Variants in TNS1 observed in about 807,000 individuals in gnomAD.
TNS1 encodes tensin 1.
A neutral mutation model predicts 168.6 loss-of-function variants in TNS1; 62 were observed. The observed-to-expected ratio is 0.37, with a 90% CI of 0.30 to 0.45. The LOEUF is 0.45. Among genes scored for constraint, TNS1 ranks in the 20% least tolerant of loss-of-function variants. The pLI, the probability that TNS1 is intolerant of heterozygous loss-of-function variation, is 1.00. For synonymous variants in TNS1, 934 were observed against 933.2 expected (o/e 1.00, Z -0.02); for missense variants, 2,240 against 2,339.4 (o/e 0.96, Z 0.88).
rs546036615 is a variant in TNS1 at position 217,891,665 on chromosome 2, A to G, written c.783-620T>C. 4.6e-5 allele frequency among the ~76,000 whole-genome samples: 7 copies of G among 152,324 alleles called. No homozygotes were observed. The South Asian group carries it at 1.4e-3, about 32-fold the overall frequency. ...GATCACGAAGCTCCAGTGACTTCCC[A>G]TCACTCTTAGAGCAAACCCCAAAGT... On this transcript the variant is annotated intron_variant, in intron 11 of 32. Transcript: ENST00000682258.
intron 3 of TNS1, among the ~76,000 whole-genome samples, chr2:217,955,999 T>TC (rs1307680008): frequency 2.2e-4 from 33 of 151,968 alleles, no homozygotes; most frequent in Admixed American, 2.2e-3. Flanking sequence ...GGGAGGGGTG[T>TC]CCTTGGAACA....
intron 3 of TNS1, among the ~76,000 whole-genome samples, chr2:217,947,724 A>T (rs909149259): frequency 2.0e-5 from 3 of 152,184 alleles, no homozygotes; most frequent in African/African-American, 7.2e-5. Context: ...AAGATGGGGC[A>T]AGGTCCAAGC....
intron 3 of TNS1, among the ~76,000 whole-genome samples, chr2:217,929,901 C>T (rs1242920168): frequency 1.3e-5 from 2 of 152,214 alleles, no homozygotes; most frequent in Non-Finnish European, 2.9e-5. Context: ...TGCCCTCCGC[C>T]TTGTCCCCTC....
At chr2:217,845,859 T>G (rs375961925) in intron 19 of TNS1, among the ~76,000 whole-genome samples, 16 of 152,306 alleles carry the variant, frequency 1.1e-4, no homozygotes, top group African/African-American at 3.8e-4. Flanking sequence ...AAATGTATTC[T>G]GCTCCCCCAG....
rs893267990 is a variant in TNS1, at chr2:218,033,568, C to T, written c.156+252G>A. Among the ~76,000 whole-genome samples, 2 of 152,156 alleles carry T rather than the reference C, an allele frequency of 1.3e-5. No homozygotes were observed. The highest frequency in any genetic ancestry group is 1.3e-4 in the Admixed American group (2 of 15,276). On this transcript the variant is annotated intron_variant, in intron 1 of 1. Transcript: ENST00000649572. This position sits in a 1 kb window ranked among gnomAD's most constrained non-coding sequence, Gnocchi z 4.3. ...AACCTCACCCAACCTATTTGCCCTT[C>T]TAGGGGTCAGGTCCTATATCACCCT...
At position 217,962,850 on chromosome 2, in the gene TNS1, G is replaced by T. The variant is rs1575141500; in HGVS notation, c.186+15915C>A. Among the ~76,000 whole-genome samples the T allele has an allele frequency of 3.3e-5, 5 of 152,298 alleles. No homozygotes were observed. In the South Asian group the frequency reaches 1.0e-3, roughly 32 times the overall value. ...ACATGCAATGTGGGATCCTGGATTG[G>T]ATCCTAGATCAGAAAAAGGGCAGTG... On this transcript the variant is annotated intron_variant, in intron 3 of 32. Coordinates refer to ENST00000682258, the MANE Select transcript of TNS1 (RefSeq NM_001387777.1).
chr2:217,916,355 C>T (rs1955003532), intron 4 of TNS1, among the ~76,000 whole-genome samples: 1 of 151,980 alleles, frequency 6.6e-6, no homozygotes. Context: ...GTTCCAAGCC[C>T]CTGTGCTGGG....
chr2:217,929,445 C>T (rs1316917439), intron 3 of TNS1, among the ~76,000 whole-genome samples: 1 of 152,134 alleles, frequency 6.6e-6, no homozygotes, highest in Non-Finnish European at 1.5e-5. Context: ...GCCCAGGGAG[C>T]ACAAGACAGC....
rs975611848 is a variant in TNS1, at chr2:217,802,118, A to T, written c.*2341T>A. On this transcript the variant is annotated 3_prime_UTR_variant, in exon 33 of 33. Coordinates refer to ENST00000682258, the MANE Select transcript of TNS1 (RefSeq NM_001387777.1). ...ATAGGCTCCTGGGCTCTCCAGTGGG[A>T]GATGAGATATTTACAAAGGAAGGGG... The T allele has an allele frequency of 6.6e-6, 1 of 152,350 alleles. No individual in the cohort carries two copies. 9.4% of individuals were successfully genotyped at this position (152,350 alleles called of 1,614,324 possible).
At chr2:217,985,318 C>T (rs1244667252) in intron 2 of TNS1, 2 of 152,148 alleles carry the variant, frequency 1.3e-5, no homozygotes, top group Non-Finnish European at 2.9e-5. Flanking sequence ...ATATCAGGCT[C>T]TGTTTGGAGC....
chr2:217,849,725 CAGG>C (rs1208060867), intron 18 of TNS1: 8 of 985,428 alleles, frequency 8.1e-6, no homozygotes, highest in Non-Finnish European at 9.6e-6. Context: ...GGCAGAATGC[CAGG>C]AGAGTAGCCA....
chr2:217,979,528 G>GACACACACACACACAC (rs35499293), intron 2 of TNS1, among the ~76,000 whole-genome samples: 3 of 146,784 alleles, frequency 2.0e-5, no homozygotes, highest in South Asian at 2.2e-4. Flanking sequence ...GAAACACACA[G>GACACACACACACACAC]ACACACACAC....
upstream of TNS1, among the ~76,000 whole-genome samples, chr2:218,013,093 C>CA (rs139712924): frequency 0.012 from 1,669 of 137,624 alleles, 27 homozygotes; most frequent in African/African-American, 0.036. Context: ...AGTAAAAATA[C>CA]AAAAAAAAAA....
chr2:218,008,272 G>A (rs1051022564), intron 1 of TNS1, among the ~76,000 whole-genome samples: 1 of 152,208 alleles, frequency 6.6e-6, no homozygotes, highest in Non-Finnish European at 1.5e-5. Context: ...GCCCCGCAAA[G>A]GCTGGAGGGA....
intron 18 of TNS1, chr2:217,859,620 G>C (rs1455147754): frequency 2.6e-6 from 4 of 1,533,714 alleles, no homozygotes; most frequent in Non-Finnish European, 3.5e-6. Flanking sequence ...AGGCCAGTGT[G>C]TGTCTGGCCA....
upstream of TNS1, among the ~76,000 whole-genome samples, chr2:218,007,570 G>A (rs1465531562): frequency 7.9e-6 from 1 of 127,298 alleles, no homozygotes; most frequent in East Asian, 2.8e-4. Flanking sequence ...GGGGGGTGGG[G>A]GGGGGGGTTC....
intron 1 of TNS1, among the ~76,000 whole-genome samples, chr2:218,026,555 A>C (rs1485315482): frequency 6.6e-6 from 1 of 152,128 alleles, no homozygotes; most frequent in East Asian, 1.9e-4. Context: ...CCAGGTTGGA[A>C]TATTGGGCCC....
At chr2:218,028,401 C>G (rs1419069552) in intron 1 of TNS1, among the ~76,000 whole-genome samples, 2 of 152,224 alleles carry the variant, frequency 1.3e-5, no homozygotes, top group Non-Finnish European at 1.5e-5. Flanking sequence ...CTTGCCCTAT[C>G]TGCATTCTCT....
At position 217,804,442 on chromosome 2, in the gene TNS1, T is replaced by C. The variant is rs1252940564; in HGVS notation, c.*17A>G. On this transcript the variant is annotated 3_prime_UTR_variant, in exon 33 of 33. Transcript: ENST00000682258. The stretch of plus-strand genomic sequence containing the variant: ...AGCCCCTTCCCCATGGCACTGGCCC[T>C]GGGCAAGGGGCAGGGTTCATCTCTT... The C allele has an allele frequency of 6.2e-7, 1 of 1,613,910 alleles. No homozygotes were observed. The highest frequency in any genetic ancestry group is 1.7e-5 in the Admixed American group (1 of 60,012).
Sources: allele counts gnomAD v4.1 joint callset (sites outside exome capture counted in the v4.1 genomes callset), GRCh38; gene constraint gnomAD v4.1.1; non-coding constraint Gnocchi (gnomAD v3.1); transcripts MANE v1.5; gene names NCBI Gene and HGNC (gene_info 2026-07-23, HGNC 2026-07-21).